The following DIP2B variants were observed in gnomAD, a reference collection of about 807,000 sequenced individuals.
The protein encoded by DIP2B is disco-interacting protein 2 homolog B.
In DIP2B, 76 loss-of-function variants were observed where a neutral mutation model predicts 198.0. The observed-to-expected ratio is 0.38, with a 90% CI of 0.32 to 0.46. The LOEUF is 0.46. DIP2B is among the 20% of genes least tolerant of loss of function. The pLI is 0.99. For missense variants in DIP2B, 1,559 were observed against 1,978.4 expected (o/e 0.79, Z 4.02); for synonymous variants, 701 against 739.1 (o/e 0.95, Z 0.84).
At chr12:50,688,750 G>C (rs568822490) in intron 12 of DIP2B, among the ~76,000 whole-genome samples, 112 of 152,220 alleles carry the variant, frequency 7.4e-4, no homozygotes, top group African/African-American at 2.4e-3. Flanking sequence ...TTCATCACTC[G>C]GTCCTCCTTA....
chr12:50,707,740 A>G (rs937218256), intron 21 of DIP2B, among the ~76,000 whole-genome samples: 9 of 152,130 alleles, frequency 5.9e-5, no homozygotes, highest in African/African-American at 2.2e-4. Context: ...GTGGCCTGCC[A>G]GTTTCTATGA....
rs1337592696 is a variant in DIP2B at position 50,510,648 on chromosome 12, C to CTT, written c.100+5421_100+5422dup. ...TTTAAGGGTTCAGCTAAAGTACCAC[C>CTT]TTTTTTTTTTTTTTGAGACGGAGTT... is the stretch of plus-strand genomic sequence containing the variant. On this transcript the variant is annotated intron_variant, in intron 1 of 37. Coordinates refer to ENST00000301180, the MANE Select transcript of DIP2B (RefSeq NM_173602.3). Among the ~76,000 whole-genome samples, 1,202 of 142,592 alleles carry CTT rather than the reference C, an allele frequency of 8.4e-3. 20 individuals carry two copies. The highest frequency in any genetic ancestry group is 0.05 in the Middle Eastern group (14 of 278). 93.5% of individuals were successfully genotyped at this position (142,592 alleles called of 152,430 possible). A position where few individuals can be genotyped will look rare whatever the true frequency, so the allele number is the denominator to read the frequency against.
chr12:50,653,328 C>CTTTTTTTTTTTT (rs71086465), intron 3 of DIP2B, among the ~76,000 whole-genome samples: 2 of 116,312 alleles, frequency 1.7e-5, no homozygotes, highest in Non-Finnish European at 3.4e-5. Context: ...GTCTTTCTTT[C>CTTTTTTTTTTTT]TTTTTTTTTT....
chr12:50,548,686 T>C (rs974216455), intron 1 of DIP2B, among the ~76,000 whole-genome samples: 1 of 152,096 alleles, frequency 6.6e-6, no homozygotes, highest in African/African-American at 2.4e-5. Flanking sequence ...CCATTGCGAC[T>C]GGCTAATTTT....
chr12:50,742,394 C>CAAAAAAAAAAAAAAAAAAAAA (rs59566626), intron 37 of DIP2B, among the ~76,000 whole-genome samples: 2 of 47,476 alleles, frequency 4.2e-5, no homozygotes, highest in African/African-American at 1.1e-4. Flanking sequence ...GAGACTGTCT[C>CAAAAAAAAAAAAAAAAAAAAA]AAAAAAAAAA....
At chr12:50,565,000 G>A (rs1958551147) in intron 1 of DIP2B, among the ~76,000 whole-genome samples, 3 of 151,948 alleles carry the variant, frequency 2.0e-5, no homozygotes, top group Non-Finnish European at 2.9e-5. Flanking sequence ...GAACTAGTTT[G>A]TGGTGCCACT....
chr12:50,677,436 G>A (rs1414357566), intron 7 of DIP2B, among the ~76,000 whole-genome samples: 1 of 152,122 alleles, frequency 6.6e-6, no homozygotes, highest in Non-Finnish European at 1.5e-5. Context: ...CCAATATAGT[G>A]AAACCCCGTC....
intron 1 of DIP2B, among the ~76,000 whole-genome samples, chr12:50,514,065 C>CTTTTT (rs71083583): frequency 8.4e-6 from 1 of 118,814 alleles, no homozygotes; most frequent in Non-Finnish European, 1.8e-5. Flanking sequence ...ACTCAGTTGT[C>CTTTTT]TTTTTTTTTT....
intron 1 of DIP2B, among the ~76,000 whole-genome samples, chr12:50,554,066 C>T (rs1958448833): frequency 6.6e-6 from 1 of 152,176 alleles, no homozygotes; most frequent in African/African-American, 2.4e-5. Flanking sequence ...TAAGTCGTCA[C>T]AACAGATAGC....
At chr12:50,549,570 G>C (rs1398987273) in intron 1 of DIP2B, among the ~76,000 whole-genome samples, 3 of 150,968 alleles carry the variant, frequency 2.0e-5, no homozygotes, top group Non-Finnish European at 4.4e-5. Flanking sequence ...GTGGTGGCGT[G>C]TGCCTATAGT....
intron 1 of DIP2B, among the ~76,000 whole-genome samples, chr12:50,536,091 T>A (rs1958263384): frequency 6.6e-6 from 1 of 151,616 alleles, no homozygotes; most frequent in African/African-American, 2.4e-5. Context: ...CTTAATCCAG[T>A]CTATCATTGT....
At chr12:50,742,527 C>T (rs1940270001) in intron 37 of DIP2B, among the ~76,000 whole-genome samples, 2 of 151,894 alleles carry the variant, frequency 1.3e-5, no homozygotes, top group South Asian at 4.1e-4. Context: ...TCCTTCTTCA[C>T]CACTTTTCCC....
chr12:50,718,903 G>A, intron 24 of DIP2B, 52 bp from the exon 25 acceptor site: 3 of 1,612,772 alleles, frequency 1.9e-6, no homozygotes, highest in South Asian at 1.1e-5. Context: ...TGCATTATAT[G>A]ACTTGTTATA....
At chr12:50,628,887 G>T (rs142214848) in intron 2 of DIP2B, among the ~76,000 whole-genome samples, 1 of 151,832 alleles carries the variant, frequency 6.6e-6, no homozygotes, top group Non-Finnish European at 1.5e-5. Context: ...TTTCATTCTT[G>T]TTTTTGTTTT....
chr12:50,745,454 T>C lies in DIP2B; in HGVS notation c.*615T>C, dbSNP rs1940328754. 6.5e-6 allele frequency: 1 copy of C among 152,780 alleles called. No homozygotes were observed. The highest frequency in any genetic ancestry group is 1.5e-5 in the Non-Finnish European group (1 of 68,272). The allele number at this position is 152,780 out of a possible 1,614,324, so 9.5% of individuals were successfully genotyped here. On this transcript the variant is annotated 3_prime_UTR_variant, in exon 38 of 38. Coordinates refer to ENST00000301180, the MANE Select transcript of DIP2B (RefSeq NM_173602.3). Reference sequence around the variant, plus strand: ...TTTGAAGAATTGGCTTGTATAGTTATAACAACCACAGTAGAAACATTTCTA... The same window carrying C: ...TTTGAAGAATTGGCTTGTATAGTTACAACAACCACAGTAGAAACATTTCTA...
chr12:50,621,516 G>A (rs1289731631), intron 1 of DIP2B, among the ~76,000 whole-genome samples: 1 of 152,076 alleles, frequency 6.6e-6, no homozygotes, highest in Non-Finnish European at 1.5e-5. Flanking sequence ...AATTCATTCA[G>A]TCACTTGTTC....
chr12:50,554,093 T>C (rs1179717819), intron 1 of DIP2B, among the ~76,000 whole-genome samples: 2 of 152,178 alleles, frequency 1.3e-5, no homozygotes, highest in African/African-American at 4.8e-5. Flanking sequence ...GCTTACCTCT[T>C]CTACCCAATT....
intron 32 of DIP2B, 83 bp downstream of exon 32, chr12:50,732,619 C>A: frequency 6.5e-7 from 1 of 1,549,360 alleles, no homozygotes. Context: ...AGCCAGGCTG[C>A]CTGGGCTTGG....
chr12:50,692,371 G>A (rs1027297220), intron 13 of DIP2B, among the ~76,000 whole-genome samples: 1 of 151,670 alleles, frequency 6.6e-6, no homozygotes, highest in Non-Finnish European at 1.5e-5. Context: ...TCTAAAATAA[G>A]CATGTATTCT....
Sources: allele counts gnomAD v4.1 joint callset (sites outside exome capture counted in the v4.1 genomes callset), GRCh38; gene constraint gnomAD v4.1.1; transcripts MANE v1.5; gene names NCBI Gene and HGNC (gene_info 2026-07-23, HGNC 2026-07-21).